The following PCMTD1 variants were observed in gnomAD, a reference collection of about 807,000 sequenced individuals.
The protein encoded by PCMTD1 is protein-L-isoaspartate O-methyltransferase domain-containing protein 1.
In PCMTD1, 12 loss-of-function variants were observed where a neutral mutation model predicts 37.6. The observed-to-expected ratio is 0.32, with a 90% CI of 0.20 to 0.52. The LOEUF is 0.52. PCMTD1 is among the 20% of genes least tolerant of loss of function. PCMTD1 has a pLI of 0.97. For synonymous variants in PCMTD1, 117 were observed against 135.8 expected (o/e 0.86, Z 0.96); for missense variants, 235 against 421.3 (o/e 0.56, Z 3.87).
At chr8:51,863,149 T>C (rs749586844) in intron 1 of PCMTD1, among the ~76,000 whole-genome samples, 1 of 152,182 alleles carries the variant, frequency 6.6e-6, no homozygotes, top group Non-Finnish European at 1.5e-5. Context: ...ATAGTCTCTG[T>C]CAGTATCCAG....
At chr8:51,858,347 T>C (rs1226695799) in intron 2 of PCMTD1, among the ~76,000 whole-genome samples, 5 of 152,166 alleles carry the variant, frequency 3.3e-5, no homozygotes, top group African/African-American at 1.2e-4. Flanking sequence ...CCCTATCTTG[T>C]GAGTGGAAAA....
At chr8:51,898,066 T>C (rs2039033961) in intron 1 of PCMTD1, among the ~76,000 whole-genome samples, 1 of 152,166 alleles carries the variant, frequency 6.6e-6, no homozygotes, top group South Asian at 2.1e-4. Context: ...GGCTGCTTCA[T>C]GTTTTTCTCA....
intron 2 of PCMTD1, among the ~76,000 whole-genome samples, chr8:51,859,840 C>T (rs989453017): frequency 6.6e-6 from 1 of 152,220 alleles, no homozygotes; most frequent in Non-Finnish European, 1.5e-5. Context: ...ACCACATTCT[C>T]ATCCTTATTA....
chr8:51,832,608 T>A (rs961466667), intron 4 of PCMTD1, among the ~76,000 whole-genome samples: 1 of 152,254 alleles, frequency 6.6e-6, no homozygotes, highest in African/African-American at 2.4e-5. Flanking sequence ...TTTTTAAATG[T>A]GTTTTTATTA....
At chr8:51,894,014 T>G (rs1432187905) in intron 1 of PCMTD1, among the ~76,000 whole-genome samples, 1 of 152,182 alleles carries the variant, frequency 6.6e-6, no homozygotes, top group Non-Finnish European at 1.5e-5. Context: ...AAAACAAATT[T>G]AGAGTACAAA....
chr8:51,833,514 T>C lies in PCMTD1; in HGVS notation c.582+4A>G. On this transcript the variant is annotated splice_donor_region_variant and intron_variant, in intron 4 of 5. Transcript: ENST00000522514. ...CCACTAAAGAAAAGGAGAGTGGAAGTTACCTGATCCTCTATAGGCATGACT... is the reference window on the plus strand; with the variant it reads ...CCACTAAAGAAAAGGAGAGTGGAAGCTACCTGATCCTCTATAGGCATGACT... The C allele has an allele frequency of 6.2e-7, 1 of 1,600,178 alleles. No homozygotes were observed. Among genetic ancestry groups the C allele is most frequent in the South Asian group, 1.1e-5 (1 of 87,270 alleles).
chr8:51,873,197 T>G (rs1267456743), intron 1 of PCMTD1, among the ~76,000 whole-genome samples: 3 of 152,226 alleles, frequency 2.0e-5, no homozygotes, highest in African/African-American at 7.2e-5. Flanking sequence ...AGAGGCAGGA[T>G]GCAAAGTATT....
chr8:51,831,084 G>A (rs1485167127), intron 5 of PCMTD1, among the ~76,000 whole-genome samples: 2 of 152,040 alleles, frequency 1.3e-5, no homozygotes, highest in African/African-American at 2.4e-5. Context: ...GATCACTCGA[G>A]GTCAGGTGTT....
intron 2 of PCMTD1, among the ~76,000 whole-genome samples, chr8:51,846,273 T>G (rs2038218458): frequency 6.6e-6 from 1 of 152,178 alleles, no homozygotes; most frequent in African/African-American, 2.4e-5. Flanking sequence ...ATGTGGCCAT[T>G]GGGCAGCATG....
chr8:51,873,713 T>C (rs2038670842), intron 1 of PCMTD1, among the ~76,000 whole-genome samples: 1 of 152,000 alleles, frequency 6.6e-6, no homozygotes, highest in Admixed American at 6.6e-5. Flanking sequence ...CCCCCTACGC[T>C]CTCTGGCTCC....
intron 3 of PCMTD1, among the ~76,000 whole-genome samples, chr8:51,844,125 C>A (rs2038184914): frequency 6.6e-6 from 1 of 152,048 alleles, no homozygotes; most frequent in African/African-American, 2.4e-5. Context: ...CACTATAATC[C>A]TTAAGACAGA....
intron 2 of PCMTD1, among the ~76,000 whole-genome samples, chr8:51,846,040 T>C (rs2038213605): frequency 6.6e-6 from 1 of 152,206 alleles, no homozygotes; most frequent in Non-Finnish European, 1.5e-5. Flanking sequence ...GAGAGTAGCT[T>C]ATCTGGCAGG....
intron 3 of PCMTD1, among the ~76,000 whole-genome samples, chr8:51,842,646 T>A (rs1389129478): frequency 6.6e-6 from 1 of 152,074 alleles, no homozygotes; most frequent in Non-Finnish European, 1.5e-5. Flanking sequence ...CTTAAAAAGG[T>A]CATCTAACTT....
At chr8:51,874,231 T>C (rs10504132) in intron 1 of PCMTD1, among the ~76,000 whole-genome samples, 113,123 of 152,158 alleles carry the variant, frequency 0.74, 47,634 homozygotes, top group Non-Finnish European at 0.94. Flanking sequence ...AATGATTCCA[T>C]GAGTCAATAA....
intron 5 of PCMTD1, among the ~76,000 whole-genome samples, chr8:51,826,624 T>C (rs773665185): frequency 1.5e-4 from 23 of 152,204 alleles, no homozygotes; most frequent in Non-Finnish European, 2.9e-4. Flanking sequence ...ATGTAGATTG[T>C]ATAGGAGCCT....
chr8:51,897,358 A>G (rs1000370808), intron 1 of PCMTD1, among the ~76,000 whole-genome samples: 1 of 152,140 alleles, frequency 6.6e-6, no homozygotes. Flanking sequence ...ACTTACCAAA[A>G]TATTTAATCC....
rs1301789355 is a variant in PCMTD1, at chr8:51,827,076, A to G, written c.706+4368T>C. 3 of 985,524 alleles carry G rather than the reference A, an allele frequency of 3.0e-6. No homozygotes were observed. The African/African-American group carries it at 5.3e-5, about 17-fold the overall frequency. The allele number at this position is 985,524 out of a possible 1,614,324, so 61.0% of individuals were successfully genotyped here. On this transcript the variant is annotated intron_variant, in intron 5 of 5. Coordinates refer to ENST00000522514, the MANE Select transcript of PCMTD1 (RefSeq NM_052937.4). ...TGCAATTAAGGAATAATGTCCTCTC[A>G]ACAGAAAGCTATTTTAACTTACTTC...
intron 3 of PCMTD1, among the ~76,000 whole-genome samples, chr8:51,843,742 T>C (rs2038179868): frequency 6.6e-6 from 1 of 152,184 alleles, no homozygotes; most frequent in Non-Finnish European, 1.5e-5. Flanking sequence ...CCCAGGACTA[T>C]ACCCTCTTGC....
Position 51,818,127 on chromosome 8 carries a change from A to T in PCMTD1, c.*2224T>A. ...ACAAACCCAAAATATTCTTATTCTA[A>T]TATATCTGCATTAATAGATAAAAAG... On this transcript the variant is annotated 3_prime_UTR_variant, in exon 6 of 6. Transcript: ENST00000522514. The T allele has an allele frequency of 2.8e-6, 1 of 351,490 alleles. No individual in the cohort carries two copies. The highest frequency in any genetic ancestry group is 5.5e-6 in the Non-Finnish European group (1 of 181,432). The allele number at this position is 351,490 out of a possible 1,614,324, so 21.8% of individuals were successfully genotyped here.
Sources: allele counts gnomAD v4.1 joint callset (sites outside exome capture counted in the v4.1 genomes callset), GRCh38; gene constraint gnomAD v4.1.1; transcripts MANE v1.5; gene names NCBI Gene and HGNC (gene_info 2026-07-23, HGNC 2026-07-21).